The following UBE2E2 variants were observed in gnomAD, a reference collection of about 807,000 sequenced individuals.
The protein encoded by UBE2E2 is ubiquitin conjugating enzyme E2 E2, also known as ubiquitin-conjugating enzyme E2 E2.
In UBE2E2, 6 loss-of-function variants were observed where a neutral mutation model predicts 24.7. That is an observed-to-expected ratio of 0.24 (90% CI 0.13 to 0.48). The LOEUF is 0.48. UBE2E2 is among the 20% of genes least tolerant of loss of function. The probability of loss-of-function intolerance (pLI) is 0.99; values close to 1 mark genes in which losing one functional copy is unlikely to be tolerated. For synonymous variants in UBE2E2, 104 were observed against 83.6 expected (o/e 1.24, Z -1.33); for missense variants, 169 against 245.0 (o/e 0.69, Z 2.07).
rs1424119249 is a variant in UBE2E2, at chr3:23,458,426, G to GGTGGTGGTGGTT, written c.228-41180_228-41179insGGTGGTGGTTGT. On this transcript the variant is annotated intron_variant, in intron 3 of 5. Coordinates refer to ENST00000396703, the MANE Select transcript of UBE2E2 (RefSeq NM_152653.4). ...TGGTGGTGGTGGTGGTGGTGGTGGT[G>GGTGGTGGTGGTT]GTTGTTGTTGTTTGAGACGGAGTCT... Among the ~76,000 whole-genome samples, 14 of 148,090 alleles carry GGTGGTGGTGGTT rather than the reference G, an allele frequency of 9.5e-5. 1 individual carries two copies. The highest frequency in any genetic ancestry group is 3.1e-4 in the African/African-American group (12 of 38,712).
In UBE2E2 at chr3:23,280,830, CT is replaced by C. The variant is rs1698476255; in HGVS notation, c.227+63520del. Among the ~76,000 whole-genome samples the C allele has an allele frequency of 6.6e-6, 1 of 152,140 alleles. No individual in the cohort carries two copies. The highest frequency in any genetic ancestry group is 1.5e-5 in the Non-Finnish European group (1 of 68,024). ...TCTCGTGTTTCACATTCAGAATTTT[CT>C]TAGAGAATATCTTAGTTTGGGCTGC... On this transcript the variant is annotated intron_variant, in intron 3 of 5. Transcript: ENST00000396703. This position sits in a 1 kb window ranked among gnomAD's most constrained non-coding sequence, Gnocchi z 4.3.
intron 3 of UBE2E2, among the ~76,000 whole-genome samples, chr3:23,315,865 G>C (rs1414203854): frequency 6.6e-6 from 1 of 152,032 alleles, no homozygotes; most frequent in Non-Finnish European, 1.5e-5. Context: ...TGTGATTCTT[G>C]CAGACCTGTA....
At chr3:23,315,264 C>G (rs1227929056) in intron 3 of UBE2E2, among the ~76,000 whole-genome samples, 1 of 151,528 alleles carries the variant, frequency 6.6e-6, no homozygotes, top group African/African-American at 2.4e-5. Flanking sequence ...TACTGCTAGG[C>G]TACCTTTGAT....
chr3:23,247,447 C>T (rs746422554), intron 3 of UBE2E2, among the ~76,000 whole-genome samples: 12 of 151,484 alleles, frequency 7.9e-5, no homozygotes, highest in Admixed American at 5.3e-4. Flanking sequence ...CTCTGCCTCC[C>T]GCGTACAAGC....
At chr3:23,513,597 T>C (rs1338401683) in intron 4 of UBE2E2, among the ~76,000 whole-genome samples, 1 of 152,208 alleles carries the variant, frequency 6.6e-6, no homozygotes, top group African/African-American at 2.4e-5. Context: ...CTGGGACTAA[T>C]GATGTATGCA....
intron 3 of UBE2E2, among the ~76,000 whole-genome samples, chr3:23,294,989 C>T (rs1269816049): frequency 6.6e-6 from 1 of 152,092 alleles, no homozygotes; most frequent in Non-Finnish European, 1.5e-5. Flanking sequence ...AACCACTTCT[C>T]TCTACTTCCT....
At chr3:23,534,128 CTTTTT>C (rs1158079342) in intron 5 of UBE2E2, 392 of 437,230 alleles carry the variant, frequency 9.0e-4, no homozygotes, top group Non-Finnish European at 9.8e-4. Flanking sequence ...TGCAAGAAGG[CTTTTT>C]TTTTTTTTTT....
At chr3:23,408,595 A>G (rs541270037) in intron 3 of UBE2E2, among the ~76,000 whole-genome samples, 4 of 152,262 alleles carry the variant, frequency 2.6e-5, no homozygotes, top group African/African-American at 9.6e-5. Flanking sequence ...GCTAAGATAT[A>G]TAGGACCTGA....
intron 3 of UBE2E2, among the ~76,000 whole-genome samples, chr3:23,226,268 G>T (rs1216981604): frequency 6.6e-6 from 1 of 151,002 alleles, no homozygotes; most frequent in African/African-American, 2.4e-5. Context: ...AGAATAGGAA[G>T]GTATTGAGAC....
chr3:23,534,329 G>GTTT (rs199720039), intron 5 of UBE2E2: 45 of 629,368 alleles, frequency 7.2e-5, no homozygotes, highest in Non-Finnish European at 8.4e-5. Context: ...CAGTGAACTA[G>GTTT]TTTTTTTTTT....
chr3:23,506,706 T>C (rs1384853377), intron 4 of UBE2E2, among the ~76,000 whole-genome samples: 1 of 152,192 alleles, frequency 6.6e-6, no homozygotes, highest in South Asian at 2.1e-4. Flanking sequence ...TGATCTCAGC[T>C]CACTGCAACC....
intron 3 of UBE2E2, among the ~76,000 whole-genome samples, chr3:23,312,709 G>A (rs151065357): frequency 6.6e-6 from 1 of 151,964 alleles, no homozygotes; most frequent in Non-Finnish European, 1.5e-5. Flanking sequence ...ATGCATCCTT[G>A]GGTGGCTTAT....
At chr3:23,330,183 T>A (rs901494412) in intron 3 of UBE2E2, among the ~76,000 whole-genome samples, 1 of 152,230 alleles carries the variant, frequency 6.6e-6, no homozygotes, top group African/African-American at 2.4e-5. Context: ...AAAGTGTTAA[T>A]GAGCAAATTT....
At chr3:23,256,223 G>A (rs944571777) in intron 3 of UBE2E2, among the ~76,000 whole-genome samples, 9 of 152,252 alleles carry the variant, frequency 5.9e-5, no homozygotes, top group Middle Eastern at 3.4e-3. Flanking sequence ...AGTGCATTAT[G>A]GGAAAGACTT....
intron 3 of UBE2E2, among the ~76,000 whole-genome samples, chr3:23,419,814 C>G (rs1697750242): frequency 6.6e-6 from 1 of 152,042 alleles, no homozygotes; most frequent in Admixed American, 6.6e-5. Flanking sequence ...TCTTGAGGAA[C>G]CTGGTTAGTT....
chr3:23,215,334 A>G (rs1373894665), intron 2 of UBE2E2, among the ~76,000 whole-genome samples: 1 of 152,146 alleles, frequency 6.6e-6, no homozygotes, highest in Non-Finnish European at 1.5e-5. Flanking sequence ...TAAATATTCA[A>G]TGCCAGACCA....
intron 3 of UBE2E2, among the ~76,000 whole-genome samples, chr3:23,352,701 G>C (rs937725799): frequency 2.6e-5 from 4 of 152,222 alleles, no homozygotes; most frequent in African/African-American, 9.6e-5. Flanking sequence ...TTGAATCTCT[G>C]AATAGACCAA....
At chr3:23,528,080 C>G (rs980709385) in intron 4 of UBE2E2, among the ~76,000 whole-genome samples, 4 of 152,168 alleles carry the variant, frequency 2.6e-5, no homozygotes, top group Admixed American at 2.0e-4. Context: ...CCTGTAGGTT[C>G]TGACTCTAAA....
intron 3 of UBE2E2, among the ~76,000 whole-genome samples, chr3:23,368,064 A>C (rs1345090559): frequency 6.6e-6 from 1 of 152,162 alleles, no homozygotes; most frequent in East Asian, 1.9e-4. Context: ...TCATTTAATT[A>C]GCATTTTCAT....
Sources: gnomAD v4.1 joint callset for allele counts (sites outside exome capture counted in the v4.1 genomes callset) on GRCh38, gnomAD v4.1.1 for gene constraint, Gnocchi (gnomAD v3.1) non-coding constraint, MANE v1.5 for transcripts, NCBI Gene and HGNC (gene_info 2026-07-23, HGNC 2026-07-21) for gene names.